The following TRIOBP variants were observed in gnomAD, a reference collection of about 807,000 sequenced individuals.
TRIOBP encodes TRIO and F-actin binding protein.
Under a neutral mutation model 238.8 loss-of-function variants are expected in TRIOBP, and 169 were observed. The observed-to-expected ratio is 0.71, with a 90% CI of 0.62 to 0.80. The LOEUF is 0.80. Among genes scored for constraint, TRIOBP ranks in the 30% least tolerant of loss-of-function variants. The pLI is 0.00. For synonymous variants in TRIOBP, 1,150 were observed against 1,274.4 expected, an observed-to-expected ratio of 0.90 and a Z score of 2.08; for missense variants, 2,838 against 3,122.6, an observed-to-expected ratio of 0.91 and a Z score of 2.17.
intron 2 of TRIOBP, among the ~76,000 whole-genome samples, chr22:37,699,833 G>A (rs1229639622): frequency 4.8e-5 from 7 of 146,524 alleles, no homozygotes; most frequent in African/African-American, 1.0e-4. Flanking sequence ...GAGCCACTGC[G>A]CCTGGCCAGG....
intron 17 of TRIOBP, among the ~76,000 whole-genome samples, chr22:37,763,369 TG>T (rs1926334108): frequency 6.6e-6 from 1 of 152,164 alleles, no homozygotes; most frequent in African/African-American, 2.4e-5. Context: ...AGTCATGTTC[TG>T]TTGTCCTAAG....
chr22:37,772,765 G>A lies in TRIOBP; in HGVS notation c.*2+1G>A. 6.2e-7 allele frequency: 1 copy of A among 1,612,808 alleles called. No individual in the cohort carries two copies. The highest frequency in any genetic ancestry group is 8.5e-7 in the Non-Finnish European group (1 of 1,179,964). On this transcript the variant is annotated splice_donor_variant, in intron 23 of 23. Transcript: ENST00000644935. LOFTEE classifies it low-confidence loss of function (3UTR_SPLICE). ...TGCGCAACAGCCTGGCTGAGTAGAG[G>A]TGGATGCCGAGGCGTGTGCCCTGCA...
chr22:37,729,581 A>G (rs1009522191), intron 7 of TRIOBP, among the ~76,000 whole-genome samples: 7 of 152,206 alleles, frequency 4.6e-5, no homozygotes, highest in African/African-American at 1.4e-4. Flanking sequence ...CTTTAAGCCA[A>G]AGTTAATTAA....
chr22:37,772,027 G>A (rs981568448), intron 22 of TRIOBP: 2 of 464,280 alleles, frequency 4.3e-6, no homozygotes, highest in African/African-American at 4.0e-5. Context: ...GCTAGGTGCT[G>A]GGAAGACAGA....
intron 19 of TRIOBP, among the ~76,000 whole-genome samples, chr22:37,768,563 G>C (rs887888306): frequency 2.6e-5 from 4 of 152,158 alleles, no homozygotes; most frequent in Non-Finnish European, 5.9e-5. Flanking sequence ...GCTCATGCCT[G>C]TAATCCCAGC....
At chr22:37,752,756 G>A (rs1027444017) in intron 12 of TRIOBP, among the ~76,000 whole-genome samples, 3 of 152,100 alleles carry the variant, frequency 2.0e-5, no homozygotes, top group Non-Finnish European at 4.4e-5. Context: ...CAGGGTCCCC[G>A]GAGGGCAGAG....
At position 37,769,352 on chromosome 22, in the gene TRIOBP, G is replaced by T; in HGVS notation, c.6826G>T (p.Glu2276Ter). 6.2e-7 allele frequency: 1 copy of T among 1,608,800 alleles called. No homozygotes were observed. Among genetic ancestry groups the T allele is most frequent in the South Asian group, 1.1e-5 (1 of 90,462 alleles). ...GMGNGCGRSN[E>*]RSSCELEVLL... ...GGGCAATGGCTGCGGGCGCAGCAAC[G>T]AGCGGAGTTCCTGCGAGCTAGAGGT... The change falls in exon 21 of 24, where the codon GAG (glutamate) becomes TAG (stop). Residue 2276 changes from glutamate (E) to a stop codon, truncating the protein, a stop_gained. Transcript: ENST00000644935. LOFTEE classifies it high-confidence loss of function.
intron 3 of TRIOBP, among the ~76,000 whole-genome samples, chr22:37,704,404 GAACAGAACAGAACAGAACAGAACAGA>G (rs1199257923): frequency 2.2e-3 from 59 of 26,270 alleles, no homozygotes; most frequent in Non-Finnish European, 1.7e-3. Context: ...GAACAGAACA[GAACAGAACAGAACAGAACAGAACAGA>G]ACAGAACAGT....
chr22:37,699,642 AGT>A (rs1272981172), intron 2 of TRIOBP, among the ~76,000 whole-genome samples: 1 of 151,942 alleles, frequency 6.6e-6, no homozygotes, highest in African/African-American at 2.4e-5. Flanking sequence ...CCTGGGTTCA[AGT>A]GATTCTCCTG....
chr22:37,754,846 CACTG>C, intron 12 of TRIOBP, 27 bp from the exon 13 acceptor site: 1 of 1,606,728 alleles, frequency 6.2e-7, no homozygotes, highest in South Asian at 1.1e-5. Flanking sequence ...CAATCACACA[CACTG>C]GCTCTTTCAT....
Position 37,757,990 on chromosome 22 carries a change from T to A in TRIOBP, c.6065T>A (p.Leu2022His), listed in dbSNP as rs1310561645. Residue 2022 changes from leucine to histidine, a missense_variant, in exon 16 of 24, where the codon CTT (leucine) becomes CAT (histidine). This residue lies in a region of TRIOBP where 2,096 missense variants were observed against 2,137.4 expected (regional missense o/e 0.98). Coordinates refer to ENST00000644935, the MANE Select transcript of TRIOBP (RefSeq NM_001039141.3). ...APLTEDQQNR[L>H]SEEIEKKWQE... ...CTGACTGAGGACCAGCAAAACCGGCTTAGTGAGGAGATCGAGAAGAAGTGG... is the reference window on the plus strand; with the variant it reads ...CTGACTGAGGACCAGCAAAACCGGCATAGTGAGGAGATCGAGAAGAAGTGG... 1 of 1,596,182 alleles carries A rather than the reference T, an allele frequency of 6.3e-7. No homozygotes were observed.
At position 37,712,121 on chromosome 22, in the gene TRIOBP, C is replaced by T. The variant is rs137891041; in HGVS notation, c.255-1089C>T. On this transcript the variant is annotated intron_variant, in intron 4 of 23. Coordinates refer to ENST00000644935, the MANE Select transcript of TRIOBP (RefSeq NM_001039141.3). ...AACACAGCTCTGCCCTTTCCTATCT[C>T]GGTGACCTTGGCCAGTCTCTTGACC... Among the ~76,000 whole-genome samples the T allele has an allele frequency of 2.9e-3, 439 of 151,982 alleles. 5 individuals are homozygous for T. The highest frequency in any genetic ancestry group is 0.01 in the African/African-American group (420 of 41,436).
intron 11 of TRIOBP, among the ~76,000 whole-genome samples, chr22:37,744,230 G>A (rs1008473343): frequency 6.6e-6 from 1 of 151,798 alleles, no homozygotes; most frequent in South Asian, 2.1e-4. Flanking sequence ...GCCTAGTCTC[G>A]AACTCCTGAC....
At position 37,774,540 on chromosome 22, in the gene TRIOBP, A is replaced by C. The variant is rs1430040827; in HGVS notation, c.*760A>C. The C allele has an allele frequency of 6.6e-6, 1 of 152,210 alleles. No homozygotes were observed. The highest frequency in any genetic ancestry group is 1.5e-5 in the Non-Finnish European group (1 of 68,078). 9.4% of individuals were successfully genotyped at this position (152,210 alleles called of 1,614,324 possible). ...TGTCCTAGATGGCTGGCAGAACAGG[A>C]ATGGAGATTGGGGTTTCTTGAAGTG... On this transcript the variant is annotated 3_prime_UTR_variant, in exon 24 of 24. Coordinates refer to ENST00000644935, the MANE Select transcript of TRIOBP (RefSeq NM_001039141.3).
Position 37,768,878 on chromosome 22 carries a change from T to C in TRIOBP, c.6576-150T>C. The C allele has an allele frequency of 3.9e-6, 4 of 1,035,132 alleles. No individual in the cohort carries two copies. The South Asian group carries it at 3.9e-5, about 10-fold the overall frequency. 64.1% of individuals were successfully genotyped at this position (1,035,132 alleles called of 1,614,324 possible). ...GTAAACACCTGTAGCCCAGAGAAGCTGTCACTGGTTCACAGCCCCACAGCA... is the reference window on the plus strand; with the variant it reads ...GTAAACACCTGTAGCCCAGAGAAGCCGTCACTGGTTCACAGCCCCACAGCA... On this transcript the variant is annotated intron_variant, in intron 19 of 23. Transcript: ENST00000644935.
chr22:37,723,108 A>T, intron 6 of TRIOBP, 77 bp from the exon 7 acceptor site: 1 of 1,498,712 alleles, frequency 6.7e-7, no homozygotes. Flanking sequence ...CACTGGTCCT[A>T]AGGGACAAAG....
Position 37,715,951 on chromosome 22 carries a change from G to C in TRIOBP, c.628+17G>C. On this transcript the variant is annotated intron_variant, in intron 6 of 23. Coordinates refer to ENST00000644935, the MANE Select transcript of TRIOBP (RefSeq NM_001039141.3). Reference sequence around the variant, plus strand: ...AAAAGGAGGGTGAGTCCTTCTGCCAGGTTGGTTCCCATGGTGATGGCCTGG... The same window carrying C: ...AAAAGGAGGGTGAGTCCTTCTGCCACGTTGGTTCCCATGGTGATGGCCTGG... 6.2e-7 allele frequency: 1 copy of C among 1,611,898 alleles called. No homozygotes were observed. The highest frequency in any genetic ancestry group is 8.5e-7 in the Non-Finnish European group (1 of 1,179,760).
At chr22:37,751,480 G>A (rs886470423) in intron 11 of TRIOBP, 9 of 491,738 alleles carry the variant, frequency 1.8e-5, no homozygotes, top group African/African-American at 7.8e-5. Context: ...ATTCTTGGGC[G>A]AGGGGTCGGC....
At position 37,758,004 on chromosome 22, in the gene TRIOBP, G is replaced by C; in HGVS notation, c.6079G>C (p.Glu2027Gln). 6.2e-7 allele frequency: 1 copy of C among 1,605,512 alleles called. No individual in the cohort carries two copies. Among genetic ancestry groups the C allele is most frequent in the Non-Finnish European group, 8.5e-7 (1 of 1,176,420 alleles). ...DQQNRLSEEIEKKWQELEKLP... is the reference protein window; with the variant it reads ...DQQNRLSEEIQKKWQELEKLP... The stretch of plus-strand genomic sequence containing the variant: ...GCAAAACCGGCTTAGTGAGGAGATC[G>C]AGAAGAAGTGGCAGGAGCTGGAGAA... The change falls in exon 16 of 24, where the codon GAG becomes CAG. Residue 2027 changes from glutamate to glutamine, a missense_variant. Physicochemically the swap from Glu to Gln is conservative, Grantham distance 29. Around this residue, in one of 5 missense-constraint regions of TRIOBP, gnomAD observed 2,096 missense variants for 2,137.4 expected, o/e 0.98. Transcript: ENST00000644935.
Sources: gnomAD v4.1 joint callset for allele counts (sites outside exome capture counted in the v4.1 genomes callset) on GRCh38, gnomAD v4.1.1 for gene constraint, gnomAD v4.1.1 regional missense constraint, MANE v1.5 for transcripts, NCBI Gene and HGNC (gene_info 2026-07-23, HGNC 2026-07-21) for gene names.